Variants in SGCZ observed in about 807,000 individuals in gnomAD.
SGCZ encodes the protein zeta-sarcoglycan.
Under a neutral mutation model 41.3 loss-of-function variants are expected in SGCZ, and 40 were observed. That is an observed-to-expected ratio of 0.97 (90% confidence interval 0.75 to 1.26). SGCZ has a LOEUF of 1.26. Among genes scored for constraint, SGCZ ranks in the 50% most tolerant of loss-of-function variants. SGCZ has a pLI of 0.00. For synonymous variants in SGCZ, 206 were observed against 137.5 expected, an observed-to-expected ratio of 1.50 and a Z score of -3.49; for missense variants, 552 against 369.8, an observed-to-expected ratio of 1.49 and a Z score of -4.04.
intron 2 of SGCZ, among the ~76,000 whole-genome samples, chr8:14,475,163 A>G (rs1325433671): frequency 6.6e-6 from 1 of 152,182 alleles, no homozygotes; most frequent in Non-Finnish European, 1.5e-5. Flanking sequence ...ATATCATACT[A>G]TTAAAAAGCA....
intron 1 of SGCZ, among the ~76,000 whole-genome samples, chr8:14,755,374 T>C (rs1799629475): frequency 6.6e-6 from 1 of 152,170 alleles, no homozygotes; most frequent in Non-Finnish European, 1.5e-5. Context: ...TAGAGGAACA[T>C]AAATCCAAAT....
At chr8:14,306,237 CA>C (rs1376787134) in intron 3 of SGCZ, among the ~76,000 whole-genome samples, 2 of 152,036 alleles carry the variant, frequency 1.3e-5, no homozygotes, top group African/African-American at 4.8e-5. Flanking sequence ...ATGATTAAAG[CA>C]AAATATTAAA....
At chr8:15,172,466 G>A (rs912539523) in intron 1 of SGCZ, among the ~76,000 whole-genome samples, 4 of 152,014 alleles carry the variant, frequency 2.6e-5, no homozygotes, top group Non-Finnish European at 5.9e-5. Context: ...AATGTTTTAT[G>A]TAATGACTAG....
intron 2 of SGCZ, among the ~76,000 whole-genome samples, chr8:14,420,316 A>C: frequency 6.6e-6 from 1 of 152,092 alleles, no homozygotes; most frequent in African/African-American, 2.4e-5. Context: ...ACTTACTCAA[A>C]AAAGGGCTAA....
At chr8:14,883,864 C>A (rs549688817) in intron 1 of SGCZ, among the ~76,000 whole-genome samples, 1 of 141,498 alleles carries the variant, frequency 7.1e-6, no homozygotes, top group African/African-American at 2.6e-5. Context: ...CTTCAAATAT[C>A]ATAAGCCTTG....
At position 14,401,767 on chromosome 8, in the gene SGCZ, T is replaced by C. The variant is rs375752304; in HGVS notation, c.235-77563A>G. 2.0e-5 allele frequency among the ~76,000 whole-genome samples: 3 copies of C among 151,282 alleles called. No individual in the cohort carries two copies. The East Asian group carries it at 5.8e-4, about 29-fold the overall frequency. ...AAACATACGTGTGCATGTATCTTCA[T>C]AGCAGCATGATTTATAGTCCTTTGG... On this transcript the variant is annotated intron_variant, in intron 2 of 7. Coordinates refer to ENST00000382080, the MANE Select transcript of SGCZ (RefSeq NM_139167.4).
intron 4 of SGCZ, among the ~76,000 whole-genome samples, chr8:14,222,148 T>G (rs1011397734): frequency 2.0e-5 from 3 of 152,052 alleles, no homozygotes; most frequent in Non-Finnish European, 4.4e-5. Flanking sequence ...TTCAGGTTTT[T>G]GTTGTTGTTG....
At chr8:14,538,479 A>G (rs1803362291) in intron 2 of SGCZ, among the ~76,000 whole-genome samples, 1 of 151,984 alleles carries the variant, frequency 6.6e-6, no homozygotes, top group Non-Finnish European at 1.5e-5. Context: ...CAACCTGTGG[A>G]AGTGAGGACT....
intron 1 of SGCZ, among the ~76,000 whole-genome samples, chr8:14,651,071 A>T (rs1022668039): frequency 6.6e-6 from 1 of 152,040 alleles, no homozygotes; most frequent in Non-Finnish European, 1.5e-5. Flanking sequence ...GAAGCTGAAT[A>T]ATTAGCAGCT....
In SGCZ at chr8:14,530,508, C is replaced by A. The variant is rs943536302; in HGVS notation, c.234+24224G>T. 7.2e-5 allele frequency among the ~76,000 whole-genome samples: 11 copies of A among 152,144 alleles called. 1 individual carries two copies. The highest frequency in any genetic ancestry group is 2.1e-4 in the South Asian group (1 of 4,828). ...CACATTTTAGAGCATTCTTGAATGTCTGGCCATCATTTAAATGTATCACAT... is the reference window on the plus strand; with the variant it reads ...CACATTTTAGAGCATTCTTGAATGTATGGCCATCATTTAAATGTATCACAT... On this transcript the variant is annotated intron_variant, in intron 2 of 7. Transcript: ENST00000382080.
At chr8:14,732,110 T>C (rs926321946) in intron 1 of SGCZ, among the ~76,000 whole-genome samples, 9 of 152,312 alleles carry the variant, frequency 5.9e-5, no homozygotes, top group African/African-American at 1.9e-4. Context: ...GAAAAAACAC[T>C]CTATTCTTTG....
intron 1 of SGCZ, among the ~76,000 whole-genome samples, chr8:14,785,414 T>TA (rs1203428439): frequency 6.6e-6 from 1 of 152,076 alleles, no homozygotes; most frequent in Non-Finnish European, 1.5e-5. Flanking sequence ...TCCATATATA[T>TA]TTTTTTAATT....
At chr8:14,815,953 C>A (rs1050349064) in intron 1 of SGCZ, among the ~76,000 whole-genome samples, 3 of 151,970 alleles carry the variant, frequency 2.0e-5, no homozygotes, top group Admixed American at 2.0e-4. Flanking sequence ...AAGCATCATC[C>A]AATAAAAATA....
At chr8:14,782,681 T>TTATTA (rs745738881) in intron 1 of SGCZ, among the ~76,000 whole-genome samples, 2 of 152,052 alleles carry the variant, frequency 1.3e-5, no homozygotes, top group African/African-American at 2.4e-5. Flanking sequence ...GAGATGGTTA[T>TTATTA]AGAAAAAAAA....
intron 1 of SGCZ, among the ~76,000 whole-genome samples, chr8:14,835,158 C>G (rs1406267412): frequency 6.6e-6 from 1 of 152,168 alleles, no homozygotes; most frequent in Non-Finnish European, 1.5e-5. Context: ...CTTAGATCAT[C>G]CTAATATTTT....
intron 2 of SGCZ, among the ~76,000 whole-genome samples, chr8:14,465,205 C>T (rs897423003): frequency 6.6e-6 from 1 of 151,716 alleles, no homozygotes; most frequent in East Asian, 1.9e-4. Flanking sequence ...CTGTTTGCCC[C>T]TTCAGTCCTG....
rs141210721 is a variant in SGCZ, at chr8:15,222,698, A to G, written c.39+14887T>C. Among the ~76,000 whole-genome samples the G allele has an allele frequency of 3.1e-4, 47 of 152,222 alleles. 1 individual carries two copies. The East Asian group carries it at 8.5e-3, about 28-fold the overall frequency. Reference sequence around the variant, plus strand: ...AAACTGCTTGGCTGGTCAAGGTCTTAGAAGTCATGATGCTCTTTATGGCTT... The same window carrying G: ...AAACTGCTTGGCTGGTCAAGGTCTTGGAAGTCATGATGCTCTTTATGGCTT... On this transcript the variant is annotated intron_variant, in intron 1 of 7. Transcript: ENST00000382080.
intron 2 of SGCZ, among the ~76,000 whole-genome samples, chr8:14,510,049 T>C (rs985468486): frequency 6.6e-6 from 1 of 152,136 alleles, no homozygotes; most frequent in African/African-American, 2.4e-5. Context: ...AACCATATGA[T>C]TCCACCCCTG....
At chr8:15,167,221 A>C (rs1799690740) in intron 1 of SGCZ, among the ~76,000 whole-genome samples, 1 of 152,226 alleles carries the variant, frequency 6.6e-6, no homozygotes, top group Non-Finnish European at 1.5e-5. Context: ...TTTCTTTTGC[A>C]ACAGAACACA....
Sources: allele counts gnomAD v4.1 joint callset (sites outside exome capture counted in the v4.1 genomes callset), GRCh38; gene constraint gnomAD v4.1.1; transcripts MANE v1.5; gene names NCBI Gene and HGNC (gene_info 2026-07-23, HGNC 2026-07-21).